The following SYN2 variants were observed in gnomAD, a reference collection of about 807,000 sequenced individuals.
SYN2 encodes synapsin II.
A neutral mutation model predicts 50.9 loss-of-function variants in SYN2; 19 were observed. The observed-to-expected ratio is 0.37, with a 90% CI of 0.26 to 0.55. The LOEUF is 0.55. Ranked by LOEUF, SYN2 falls within the 20% of genes least tolerant of loss-of-function variation. The probability of loss-of-function intolerance (pLI) is 0.81; values close to 1 mark genes in which losing one functional copy is unlikely to be tolerated. For synonymous variants in SYN2, 255 were observed against 224.9 expected, an observed-to-expected ratio of 1.13 and a Z score of -1.20; for missense variants, 587 against 576.4, an observed-to-expected ratio of 1.02 and a Z score of -0.19.
intron 1 of SYN2, among the ~76,000 whole-genome samples, chr3:12,136,906 G>A (rs1273814482): frequency 6.6e-6 from 1 of 152,078 alleles, no homozygotes; most frequent in African/African-American, 2.4e-5. Flanking sequence ...TTAGGATTGA[G>A]CACAAGGGGA....
intron 1 of SYN2, among the ~76,000 whole-genome samples, chr3:12,030,529 A>G (rs924966137): frequency 4.0e-5 from 6 of 151,172 alleles, no homozygotes; most frequent in Non-Finnish European, 7.4e-5. Context: ...TGGTTGGTAA[A>G]CTATTGATTA....
At chr3:12,040,664 C>T (rs1337665620) in intron 1 of SYN2, among the ~76,000 whole-genome samples, 1 of 151,870 alleles carries the variant, frequency 6.6e-6, no homozygotes, top group Non-Finnish European at 1.5e-5. Context: ...AGTTGTAAGG[C>T]CATGAGTGTT....
chr3:12,167,371 A>C, intron 8 of SYN2, 63 bp downstream of exon 8: 1 of 1,521,044 alleles, frequency 6.6e-7, no homozygotes, highest in Non-Finnish European at 9.0e-7. Flanking sequence ...TAGATGAAGA[A>C]GTTTAGGAAT....
rs143584291 is a variant in SYN2, at chr3:12,110,149, C to T, written c.378-30502C>T. On this transcript the variant is annotated intron_variant, in intron 1 of 12. Coordinates refer to ENST00000621198, the MANE Select transcript of SYN2 (RefSeq NM_133625.6). ...TGTACAGTGAGCTGTGATTGTGCCA[C>T]TGTATTCCATCCTGGGCAACAGAGG... 2.4e-4 allele frequency among the ~76,000 whole-genome samples: 37 copies of T among 152,280 alleles called. 1 individual carries two copies. In the East Asian group the frequency reaches 6.4e-3, roughly 26 times the overall value.
At chr3:12,025,671 G>T (rs1386031926) in intron 1 of SYN2, among the ~76,000 whole-genome samples, 5 of 151,882 alleles carry the variant, frequency 3.3e-5, no homozygotes, top group South Asian at 2.1e-4. Context: ...TTTGGTGGAT[G>T]GGGGGGCTTT....
intron 1 of SYN2, among the ~76,000 whole-genome samples, chr3:12,133,319 CAG>C (rs945797712): frequency 5.3e-5 from 8 of 152,298 alleles, no homozygotes; most frequent in East Asian, 1.9e-4. Context: ...TGATCCATAA[CAG>C]AAATTTCTCC....
At chr3:12,046,879 G>A (rs12494778) in intron 1 of SYN2, among the ~76,000 whole-genome samples, 5,653 of 152,256 alleles carry the variant, frequency 0.037, 131 homozygotes, top group Non-Finnish European at 0.052. Flanking sequence ...GAACATTGAA[G>A]GAACCTGAAG....
chr3:12,058,591 G>C (rs987589832), intron 1 of SYN2, among the ~76,000 whole-genome samples: 2 of 152,208 alleles, frequency 1.3e-5, no homozygotes, highest in Admixed American at 1.3e-4. Context: ...GCATGTCTAA[G>C]TGGACCCAGT....
intron 5 of SYN2, 70 bp downstream of exon 5, chr3:12,151,396 G>T: frequency 7.8e-7 from 1 of 1,280,854 alleles, no homozygotes. Flanking sequence ...TGGTTATTGT[G>T]GGGCTCTGAA....
chr3:12,115,647 A>G (rs942485603), intron 1 of SYN2, among the ~76,000 whole-genome samples: 9 of 152,154 alleles, frequency 5.9e-5, no homozygotes, highest in African/African-American at 1.9e-4. Context: ...CAGAATTCCA[A>G]TTTACATAGG....
chr3:12,126,910 A>G (rs1696682956), intron 1 of SYN2, among the ~76,000 whole-genome samples: 1 of 152,128 alleles, frequency 6.6e-6, no homozygotes, highest in Admixed American at 6.6e-5. Flanking sequence ...ATTTATTTTT[A>G]TTCTTCTTTG....
chr3:12,070,469 C>G, intron 1 of SYN2: 1 of 600,760 alleles, frequency 1.7e-6, no homozygotes, highest in Non-Finnish European at 3.2e-6. Flanking sequence ...TCGTCATCAA[C>G]TGGGATGACA....
rs575933152 is a variant in SYN2 at position 12,139,938 on chromosome 3, TAATG to T, written c.378-712_378-709del. ...TAATTACTTATTACAGGGGATTAATTAATGCATTAATGTGAGGTTCCTCTAGATC... is the reference window on the plus strand; with the variant it reads ...TAATTACTTATTACAGGGGATTAATTCATTAATGTGAGGTTCCTCTAGATC... On this transcript the variant is annotated intron_variant, in intron 1 of 12. Coordinates refer to ENST00000621198, the MANE Select transcript of SYN2 (RefSeq NM_133625.6). Among the ~76,000 whole-genome samples the T allele has an allele frequency of 3.9e-3, 589 of 152,320 alleles. 3 individuals are homozygous for T. Among genetic ancestry groups the T allele is most frequent in the Middle Eastern group, 0.02 (6 of 294 alleles).
intron 1 of SYN2, among the ~76,000 whole-genome samples, chr3:12,060,388 T>G (rs1695087349): frequency 6.6e-6 from 1 of 152,128 alleles, no homozygotes; most frequent in Non-Finnish European, 1.5e-5. Context: ...TACCAGAGTC[T>G]TATCCCACCT....
chr3:12,184,489 G>A (rs772886267), intron 11 of SYN2: 2 of 985,770 alleles, frequency 2.0e-6, no homozygotes, highest in East Asian at 1.1e-4. Context: ...CATAATGGGA[G>A]ACCAAATCAA....
intron 5 of SYN2, among the ~76,000 whole-genome samples, chr3:12,158,083 A>C (rs1417770039): frequency 6.6e-6 from 1 of 152,090 alleles, no homozygotes; most frequent in Non-Finnish European, 1.5e-5. Flanking sequence ...AGTGGAGTGC[A>C]CACGTGTAAA....
chr3:12,036,722 T>C (rs1357613205), intron 1 of SYN2, among the ~76,000 whole-genome samples: 1 of 152,214 alleles, frequency 6.6e-6, no homozygotes, highest in Non-Finnish European at 1.5e-5. Context: ...TCCTTCTAGC[T>C]GTACTACTCT....
At chr3:12,049,105 C>G (rs944301518) in intron 1 of SYN2, among the ~76,000 whole-genome samples, 1 of 152,134 alleles carries the variant, frequency 6.6e-6, no homozygotes, top group Non-Finnish European at 1.5e-5. Context: ...TTATCGAACA[C>G]TTAGGGTATG....
intron 8 of SYN2, 113 bp from the exon 9 acceptor site, chr3:12,168,263 C>T (rs1416455983): frequency 5.3e-6 from 4 of 757,352 alleles, no homozygotes; most frequent in Non-Finnish European, 9.3e-6. Flanking sequence ...ATGGAGGGAG[C>T]AGTGGGAATG....
Sources: allele counts gnomAD v4.1 joint callset (sites outside exome capture counted in the v4.1 genomes callset), GRCh38; gene constraint gnomAD v4.1.1; transcripts MANE v1.5; gene names NCBI Gene and HGNC (gene_info 2026-07-23, HGNC 2026-07-21).